KAZN: variants seen among roughly 807,000 people sequenced by gnomAD.
KAZN encodes the protein kazrin.
A neutral mutation model predicts 87.4 loss-of-function variants in KAZN; 40 were observed. The ratio of observed to expected loss-of-function variants is 0.46; its 90% confidence interval spans 0.36 to 0.60. The LOEUF is 0.60. Ranked by LOEUF, KAZN falls within the 20% of genes least tolerant of loss-of-function variation. The pLI, the probability that KAZN is intolerant of heterozygous loss-of-function variation, is 0.00. For synonymous variants in KAZN, 466 were observed against 458.3 expected, an observed-to-expected ratio of 1.02 and a Z score of -0.22; for missense variants, 898 against 1,073.9, an observed-to-expected ratio of 0.84 and a Z score of 2.29.
chr1:14,950,901 G>T (rs1187509129), intron 1 of KAZN, among the ~76,000 whole-genome samples: 2 of 152,132 alleles, frequency 1.3e-5, no homozygotes, highest in African/African-American at 4.8e-5. Context: ...TACCTGCAGG[G>T]TGTCTTGAGT....
intron 1 of KAZN, among the ~76,000 whole-genome samples, chr1:14,909,343 C>A (rs969170228): frequency 3.3e-5 from 5 of 152,164 alleles, no homozygotes; most frequent in Non-Finnish European, 7.4e-5. Context: ...CAAGGATTCC[C>A]CATGGCCTCT....
intron 1 of KAZN, among the ~76,000 whole-genome samples, chr1:14,633,880 C>A (rs540256909): frequency 6.3e-4 from 96 of 151,314 alleles, no homozygotes; most frequent in Middle Eastern, 6.8e-3. Flanking sequence ...CTCTCTCTCT[C>A]TCTCTATATA....
chr1:14,380,331 C>T (rs1306666125), intron 2 of KAZN, among the ~76,000 whole-genome samples: 2 of 152,138 alleles, frequency 1.3e-5, no homozygotes, highest in Non-Finnish European at 2.9e-5. Flanking sequence ...CATAAGCATC[C>T]AGACCATCCA....
In KAZN at chr1:14,063,350, CT is replaced by C. The variant is rs1031737764; in HGVS notation, c.92-117084del. On this transcript the variant is annotated intron_variant, in intron 1 of 16. Transcript: ENST00000636203. ...CAATAATTATAATGAAAAAGAAATA[CT>C]GTGTAACTACCTTCCTAGCTAGCTG... is the stretch of plus-strand genomic sequence containing the variant. 1.9e-4 allele frequency among the ~76,000 whole-genome samples: 29 copies of C among 152,254 alleles called. 1 individual carries two copies. The highest frequency in any genetic ancestry group is 6.5e-4 in the African/African-American group (27 of 41,550).
Position 14,375,554 on chromosome 1 carries a change from A to G in KAZN, c.249+194962A>G, listed in dbSNP as rs138734818. Among the ~76,000 whole-genome samples, 425 of 152,316 alleles carry G rather than the reference A, an allele frequency of 2.8e-3. 1 individual carries two copies. The highest frequency in any genetic ancestry group is 9.8e-3 in the African/African-American group (406 of 41,568). Reference sequence around the variant, plus strand: ...AAGATTAAACCAATCTGCATTTTTCATCTCATGCTCAGCATAAAGTGTAAG... The same window carrying G: ...AAGATTAAACCAATCTGCATTTTTCGTCTCATGCTCAGCATAAAGTGTAAG... On this transcript the variant is annotated intron_variant, in intron 2 of 16. Coordinates refer to the KAZN transcript ENST00000636203.
chr1:14,868,326 T>C (rs1651764430), intron 1 of KAZN, among the ~76,000 whole-genome samples: 1 of 152,230 alleles, frequency 6.6e-6, no homozygotes. Flanking sequence ...TTACTACTAA[T>C]TGCTATTGCA....
At chr1:13,985,429 C>G (rs1036486204) in intron 1 of KAZN, among the ~76,000 whole-genome samples, 2 of 150,700 alleles carry the variant, frequency 1.3e-5, no homozygotes, top group East Asian at 3.9e-4. Flanking sequence ...AATTGGAAAT[C>G]ATCATTCTCA....
At chr1:14,400,782 T>C (rs1469112136) in intron 2 of KAZN, among the ~76,000 whole-genome samples, 3 of 152,212 alleles carry the variant, frequency 2.0e-5, no homozygotes, top group Admixed American at 6.5e-5. Context: ...ACAGCACTTC[T>C]TGTAGAAGAA....
chr1:14,624,192 G>A (rs1381828149), intron 1 of KAZN, among the ~76,000 whole-genome samples: 1 of 152,178 alleles, frequency 6.6e-6, no homozygotes, highest in African/African-American at 2.4e-5. Flanking sequence ...GGAGGCTGAG[G>A]TGGGTGGATC....
Position 14,756,164 on chromosome 1 carries a change from C to T in KAZN, c.226+156941C>T, listed in dbSNP as rs894506641. Among the ~76,000 whole-genome samples, 7 of 152,198 alleles carry T rather than the reference C, an allele frequency of 4.6e-5. No homozygotes were observed. In the East Asian group the frequency reaches 1.3e-3, roughly 29 times the overall value. On this transcript the variant is annotated intron_variant, in intron 1 of 14. Transcript: ENST00000376030. ...TGGCTCAGTGATAGAAACCAGCTGG[C>T]CCAGGTATTTCTGACACCAGAGCCA...
rs1337753081 is a variant in KAZN, at chr1:15,067,669, A to T, written c.1222+1916A>T. On this transcript the variant is annotated intron_variant, in intron 8 of 14. Transcript: ENST00000376030. ...AGGACATTGTGTCCAAAGTCTCAAG[A>T]ACAAACAACACTTTCCTTCTGACCT... 78 of 985,312 alleles carry T rather than the reference A, an allele frequency of 7.9e-5. 1 individual carries two copies. Among genetic ancestry groups the T allele is most frequent in the Non-Finnish European group, 9.2e-5 (76 of 829,944 alleles). 61.0% of individuals were successfully genotyped at this position (985,312 alleles called of 1,614,324 possible).
chr1:13,932,506 C>A (rs186083572), intron 1 of KAZN, among the ~76,000 whole-genome samples: 2 of 151,864 alleles, frequency 1.3e-5, no homozygotes, highest in Admixed American at 1.3e-4. Context: ...GTGATCCGCC[C>A]GCCTCGGCCT....
intron 1 of KAZN, among the ~76,000 whole-genome samples, chr1:14,824,686 GATC>G (rs1303335391): frequency 1.3e-5 from 2 of 152,186 alleles, no homozygotes. Context: ...ATGTTACTGT[GATC>G]ATCATCGTCA....
At chr1:14,207,064 A>C (rs188327617) in intron 2 of KAZN, among the ~76,000 whole-genome samples, 1 of 151,610 alleles carries the variant, frequency 6.6e-6, no homozygotes. Context: ...CTCGGGTTCA[A>C]GTGATTCTCC....
At chr1:14,185,743 C>A (rs1356933182) in intron 2 of KAZN, among the ~76,000 whole-genome samples, 3 of 152,184 alleles carry the variant, frequency 2.0e-5, no homozygotes, top group Non-Finnish European at 4.4e-5. Flanking sequence ...AACTTCTGTA[C>A]TCACCCTTCC....
intron 2 of KAZN, among the ~76,000 whole-genome samples, chr1:14,248,142 G>A (rs546374220): frequency 3.3e-5 from 5 of 152,278 alleles, no homozygotes; most frequent in South Asian, 2.1e-4. Context: ...CATTAACACC[G>A]AACATAAGCC....
intron 1 of KAZN, among the ~76,000 whole-genome samples, chr1:14,826,463 C>T (rs1347346052): frequency 2.6e-5 from 4 of 152,234 alleles, no homozygotes; most frequent in Non-Finnish European, 5.9e-5. Context: ...ACTCTGAGAC[C>T]TCCTGAGAGC....
chr1:14,552,706 C>T (rs1187837988), intron 2 of KAZN, among the ~76,000 whole-genome samples: 1 of 152,130 alleles, frequency 6.6e-6, no homozygotes, highest in African/African-American at 2.4e-5. Flanking sequence ...AACAGTTGGG[C>T]AAAAGAGCAC....
chr1:14,680,144 T>A (rs1048596096), intron 1 of KAZN, among the ~76,000 whole-genome samples: 1 of 152,290 alleles, frequency 6.6e-6, no homozygotes, highest in African/African-American at 2.4e-5. Flanking sequence ...ATTATCTTTT[T>A]AAAAAAATTA....
Sources: gnomAD v4.1 joint callset for allele counts (sites outside exome capture counted in the v4.1 genomes callset) on GRCh38, gnomAD v4.1.1 for gene constraint, MANE v1.5 for transcripts, NCBI Gene and HGNC (gene_info 2026-07-23, HGNC 2026-07-21) for gene names.